Variants in FHIP1A observed in about 807,000 individuals in gnomAD.
FHIP1A encodes FHF complex subunit HOOK interacting protein 1A, also known as FHF complex subunit HOOK-interacting protein 1A.
In FHIP1A, 61 loss-of-function variants were observed where a neutral mutation model predicts 88.6. The ratio of observed to expected loss-of-function variants is 0.69; its 90% confidence interval spans 0.56 to 0.85. FHIP1A has a LOEUF of 0.85. Among genes scored for constraint, FHIP1A ranks in the 40% least tolerant of loss-of-function variants. The pLI, the probability that FHIP1A is intolerant of heterozygous loss-of-function variation, is 0.00. For missense variants in FHIP1A, 1,154 were observed against 1,273.5 expected (o/e 0.91, Z 1.43); for synonymous variants, 478 against 496.0 (o/e 0.96, Z 0.48).
chr4:151,495,448 G>T, intron 3 of FHIP1A, among the ~76,000 whole-genome samples: 1 of 151,322 alleles, frequency 6.6e-6, no homozygotes, highest in Middle Eastern at 3.4e-3. Context: ...GTTGCAGTGA[G>T]CCGAGATTGT....
At position 151,578,041 on chromosome 4, in the gene FHIP1A, G is replaced by T; in HGVS notation, c.697G>T (p.Ala233Ser). ...MSLSAENTMV[A>S]HHIVENTYFC... is the part of the protein sequence containing the mutation. ...TCTTTCTGCTGAGAACACCATGGTG[G>T]CCCATCACATCGTGGAGAACACCTA... The change falls in exon 5 of 14, where the codon GCC becomes TCC. Residue 233 changes from alanine to serine, a missense_variant. By Grantham distance (99) the Ala-to-Ser change is moderately conservative (BLOSUM62 1). Coordinates refer to ENST00000435205, the MANE Select transcript of FHIP1A (RefSeq NM_001109977.3). 2 of 1,550,372 alleles carry T rather than the reference G, an allele frequency of 1.3e-6. No homozygotes were observed. The highest frequency in any genetic ancestry group is 8.7e-7 in the Non-Finnish European group (1 of 1,146,684).
chr4:151,491,725 C>T (rs1169072042), intron 3 of FHIP1A, among the ~76,000 whole-genome samples: 2 of 152,106 alleles, frequency 1.3e-5, no homozygotes, highest in African/African-American at 4.8e-5. Flanking sequence ...ATCCACCAAC[C>T]AAGTATCTGC....
chr4:151,460,859 G>C (rs1729122267), intron 2 of FHIP1A, among the ~76,000 whole-genome samples: 1 of 152,224 alleles, frequency 6.6e-6, no homozygotes. Context: ...TGTTGTGGAA[G>C]AGTGGAGGAT....
chr4:151,584,896 A>C (rs1470547672), intron 5 of FHIP1A, among the ~76,000 whole-genome samples: 2 of 152,190 alleles, frequency 1.3e-5, no homozygotes, highest in Admixed American at 1.3e-4. Context: ...ACTCTTCACC[A>C]GCTTAGATAT....
intron 13 of FHIP1A, among the ~76,000 whole-genome samples, chr4:151,660,901 A>G (rs1737432578): frequency 1.3e-5 from 2 of 152,324 alleles, no homozygotes; most frequent in Middle Eastern, 3.4e-3. Flanking sequence ...TAACAACTCT[A>G]TGAATAGCTT....
intron 7 of FHIP1A, among the ~76,000 whole-genome samples, chr4:151,626,723 A>T: frequency 6.6e-6 from 1 of 152,244 alleles, no homozygotes; most frequent in Non-Finnish European, 1.5e-5. Context: ...AAAACAAATT[A>T]AATAAATATT....
chr4:151,409,668 A>G (rs1161531604), intron 1 of FHIP1A, among the ~76,000 whole-genome samples: 6 of 151,564 alleles, frequency 4.0e-5, no homozygotes, highest in African/African-American at 1.5e-4. Context: ...GCGGGGGCGC[A>G]GGGGGGAGGA....
At chr4:151,567,437 A>G (rs1278281603) in intron 4 of FHIP1A, among the ~76,000 whole-genome samples, 3 of 151,968 alleles carry the variant, frequency 2.0e-5, no homozygotes, top group Admixed American at 6.6e-5. Flanking sequence ...ACTATCTAGT[A>G]TAAACCTTCT....
chr4:151,598,594 G>C (rs1296297886), intron 7 of FHIP1A, among the ~76,000 whole-genome samples: 4 of 152,126 alleles, frequency 2.6e-5, no homozygotes, highest in African/African-American at 7.2e-5. Flanking sequence ...TAACATTTTA[G>C]TTACCTGCCA....
At position 151,669,572 on chromosome 4, in the gene FHIP1A, T is replaced by C. The variant is rs1737786232; in HGVS notation, c.*6818T>C. On this transcript the variant is annotated 3_prime_UTR_variant, in exon 14 of 14. Transcript: ENST00000435205. ...ATAAAGATCCTGTCAGACTCCAGTC[T>C]CAGACCACCTTTGCCCATTTGTAAT... 6.6e-6 allele frequency among the ~76,000 whole-genome samples: 1 copy of C among 152,176 alleles called. No individual in the cohort carries two copies. Among genetic ancestry groups the C allele is most frequent in the Non-Finnish European group, 1.5e-5 (1 of 68,020 alleles).
chr4:151,605,215 G>A (rs1474641046), intron 7 of FHIP1A, among the ~76,000 whole-genome samples: 3 of 152,162 alleles, frequency 2.0e-5, no homozygotes, highest in African/African-American at 4.8e-5. Context: ...TCTGTCAAAT[G>A]TCTTGTGAAC....
intron 7 of FHIP1A, among the ~76,000 whole-genome samples, chr4:151,594,141 T>C (rs982936084): frequency 1.3e-5 from 2 of 152,228 alleles, no homozygotes; most frequent in South Asian, 4.1e-4. Flanking sequence ...AGCTTTTTGA[T>C]GTGCTCCTGG....
chr4:151,649,656 C>G lies in FHIP1A; in HGVS notation c.1615C>G (p.Leu539Val), dbSNP rs1183397337. The change falls in exon 11 of 14, where the codon CTG becomes GTG. Residue 539 changes from leucine (L) to valine (V), a missense_variant. Physicochemically the swap from Leu to Val is conservative, Grantham distance 32. Coordinates refer to ENST00000435205, the MANE Select transcript of FHIP1A (RefSeq NM_001109977.3). ...CGACCCTGAGATGTTTCTCCAGAGT[C>G]TGACGGAGGAGGGCAGTGTGAGCTC... is the stretch of plus-strand genomic sequence containing the variant. ...SPDPEMFLQSLTEEGSVSSAC... is the reference protein window; with the variant it reads ...SPDPEMFLQSVTEEGSVSSAC... 2 of 1,551,662 alleles carry G rather than the reference C, an allele frequency of 1.3e-6. No individual in the cohort carries two copies. Among genetic ancestry groups the G allele is most frequent in the African/African-American group, 1.4e-5 (1 of 73,164 alleles).
rs892522814 is a variant in FHIP1A, at chr4:151,649,863, C to T, written c.1822C>T (p.Pro608Ser). The change falls in exon 11 of 14, where the codon CCA (proline) becomes TCA (serine). Residue 608 changes from proline to serine, a missense_variant. By Grantham distance (74) the Pro-to-Ser change is moderately conservative (BLOSUM62 -1). Transcript: ENST00000435205. ...TGATGATCTGGAGGTTTCAGGCCCC[C>T]CAGCACCCATTGATCCCCCCAAACA... ...PYDDLEVSGP[P>S]APIDPPKHIQ... 68 of 1,551,398 alleles carry T rather than the reference C, an allele frequency of 4.4e-5. No homozygotes were observed. The highest frequency in any genetic ancestry group is 4.9e-5 in the Non-Finnish European group (56 of 1,146,952).
chr4:151,582,932 A>G (rs1441230060), intron 5 of FHIP1A, among the ~76,000 whole-genome samples: 1 of 152,218 alleles, frequency 6.6e-6, no homozygotes, highest in African/African-American at 2.4e-5. Flanking sequence ...CTTAACCTAG[A>G]AAAGTTAGCT....
At position 151,566,279 on chromosome 4, in the gene FHIP1A, C is replaced by T. The variant is rs188418316; in HGVS notation, c.20C>T (p.Thr7Ile). Residue 7 changes from threonine (T) to isoleucine (I), a missense_variant, in exon 4 of 14, where the codon ACA becomes ATA. Transcript: ENST00000435205. MMSSVS[T>I]ESKLQQAVSL... ...AGGCTTATGATGTCATCGGTTTCGA[C>T]AGAAAGCAAACTCCAGCAGGCTGTG... is the stretch of plus-strand genomic sequence containing the variant. 3.1e-4 allele frequency: 474 copies of T among 1,549,950 alleles called. No homozygotes were observed. The highest frequency in any genetic ancestry group is 3.5e-4 in the Non-Finnish European group (401 of 1,145,766).
chr4:151,561,531 A>G lies in FHIP1A; in HGVS notation c.-122-4607A>G, dbSNP rs561669848. ...GACCCAAAATGAAACACCCTCCTCA[A>G]TACTGCTATTAGTTATAATTGAGGG... On this transcript the variant is annotated intron_variant, in intron 3 of 13. Transcript: ENST00000435205. Among the ~76,000 whole-genome samples, 3 of 152,310 alleles carry G rather than the reference A, an allele frequency of 2.0e-5. No individual in the cohort carries two copies. In the East Asian group the frequency reaches 5.8e-4, roughly 29 times the overall value.
chr4:151,636,965 G>A (rs1736379835), intron 8 of FHIP1A, among the ~76,000 whole-genome samples: 1 of 152,120 alleles, frequency 6.6e-6, no homozygotes, highest in African/African-American at 2.4e-5. Flanking sequence ...GTGCAGGATA[G>A]ACATACAGAC....
intron 7 of FHIP1A, among the ~76,000 whole-genome samples, chr4:151,619,727 C>A (rs1024026774): frequency 1.3e-5 from 2 of 152,204 alleles, no homozygotes; most frequent in African/African-American, 4.8e-5. Flanking sequence ...AGGCACTGTT[C>A]TAAGTGTTTG....
Sources: allele counts gnomAD v4.1 joint callset (sites outside exome capture counted in the v4.1 genomes callset), GRCh38; gene constraint gnomAD v4.1.1; transcripts MANE v1.5; gene names NCBI Gene and HGNC (gene_info 2026-07-23, HGNC 2026-07-21).